Variants in PDZD2 observed in about 807,000 individuals in gnomAD.
The protein encoded by PDZD2 is PDZ domain containing 2.
PDZD2 carries 90 observed loss-of-function variants against 220.7 expected under a neutral mutation model. The observed-to-expected ratio is 0.41, with a 90% CI of 0.34 to 0.49. PDZD2 has a LOEUF of 0.49. Ranked by LOEUF, PDZD2 falls within the 20% of genes least tolerant of loss-of-function variation. The pLI is 0.28. For missense variants in PDZD2, 3,174 were observed against 3,608.5 expected, an observed-to-expected ratio of 0.88 and a Z score of 3.08; for synonymous variants, 1,375 against 1,450.5, an observed-to-expected ratio of 0.95 and a Z score of 1.18.
At chr5:31,840,995 C>A in intron 2 of PDZD2, 1 of 378,032 alleles carries the variant, frequency 2.6e-6, no homozygotes, top group Non-Finnish European at 4.8e-6. Context: ...TGGAGGATGG[C>A]GGTTCCACTC....
In PDZD2 at chr5:31,808,794, T is replaced by C. The variant is rs185436078; in HGVS notation, c.476+9070T>C. 2.7e-3 allele frequency among the ~76,000 whole-genome samples: 406 copies of C among 152,080 alleles called. 1 individual carries two copies. The highest frequency in any genetic ancestry group is 0.01 in the Middle Eastern group (3 of 294). ...GAGTTTGAGACCAGCCTGGCCAACATAGTGAAACCCCATCTCTACTAGAAA... is the reference window on the plus strand; with the variant it reads ...GAGTTTGAGACCAGCCTGGCCAACACAGTGAAACCCCATCTCTACTAGAAA... On this transcript the variant is annotated intron_variant, in intron 2 of 24. Transcript: ENST00000438447.
chr5:31,756,026 C>T (rs1165774501), intron 1 of PDZD2, among the ~76,000 whole-genome samples: 1 of 152,098 alleles, frequency 6.6e-6, no homozygotes, highest in East Asian at 1.9e-4. Flanking sequence ...GTGCTGACCA[C>T]TGATGTGTGA....
At chr5:32,048,123 T>G (rs1029408904) in intron 7 of PDZD2, among the ~76,000 whole-genome samples, 4 of 152,208 alleles carry the variant, frequency 2.6e-5, no homozygotes, top group African/African-American at 9.6e-5. Context: ...AAAGTTTATT[T>G]TAAAAGTCGT....
intron 1 of PDZD2, among the ~76,000 whole-genome samples, chr5:31,702,228 T>C (rs1367883272): frequency 6.6e-6 from 1 of 152,236 alleles, no homozygotes; most frequent in Non-Finnish European, 1.5e-5. Context: ...GCATTTTTTT[T>C]CTTTGTCTCA....
chr5:31,969,235 G>C (rs180686241), intron 2 of PDZD2, among the ~76,000 whole-genome samples: 7 of 152,188 alleles, frequency 4.6e-5, no homozygotes, highest in African/African-American at 1.7e-4. Context: ...AGCCAGGCAC[G>C]ATGGCTCATG....
At chr5:31,924,157 T>C (rs1744537194) in intron 2 of PDZD2, among the ~76,000 whole-genome samples, 1 of 152,216 alleles carries the variant, frequency 6.6e-6, no homozygotes, top group Non-Finnish European at 1.5e-5. Context: ...CTTAGTGGAA[T>C]TGCGATGGGC....
intron 2 of PDZD2, among the ~76,000 whole-genome samples, chr5:31,824,624 T>A (rs1391403998): frequency 1.3e-5 from 2 of 151,198 alleles, no homozygotes; most frequent in Admixed American, 1.3e-4. Context: ...TTCACGGCCG[T>A]GTGTGAGATG....
intron 1 of PDZD2, among the ~76,000 whole-genome samples, chr5:31,731,212 G>A (rs745799622): frequency 1.3e-5 from 2 of 152,116 alleles, no homozygotes; most frequent in African/African-American, 2.4e-5. Context: ...TCCAGGAAAC[G>A]GCTGTGGTTA....
chr5:31,881,245 G>C (rs1444915711), intron 2 of PDZD2, among the ~76,000 whole-genome samples: 2 of 151,202 alleles, frequency 1.3e-5, no homozygotes, highest in Non-Finnish European at 2.9e-5. Context: ...GATTGGATTT[G>C]ACTTGCTTTG....
intron 2 of PDZD2, among the ~76,000 whole-genome samples, chr5:31,917,803 C>T (rs566621494): frequency 7.9e-5 from 12 of 152,222 alleles, no homozygotes; most frequent in South Asian, 4.1e-4. Flanking sequence ...AGTGCAATGG[C>T]GCGATCTCGG....
At chr5:31,755,179 G>T (rs1751236038) in intron 1 of PDZD2, among the ~76,000 whole-genome samples, 1 of 149,794 alleles carries the variant, frequency 6.7e-6, no homozygotes, top group Non-Finnish European at 1.5e-5. Flanking sequence ...AGAACTCGTG[G>T]TCTGGTTCCC....
chr5:31,804,674 AC>A (rs1754608114), intron 2 of PDZD2, among the ~76,000 whole-genome samples: 1 of 131,142 alleles, frequency 7.6e-6, no homozygotes, highest in Non-Finnish European at 1.8e-5. Flanking sequence ...CCAGATCTGT[AC>A]TTTGGTCCTT....
chr5:31,942,768 G>A (rs1455640679), intron 2 of PDZD2, among the ~76,000 whole-genome samples: 4 of 152,138 alleles, frequency 2.6e-5, no homozygotes, highest in African/African-American at 7.2e-5. Context: ...ACTACTTTTC[G>A]GTGAGAGTTC....
At position 32,030,496 on chromosome 5, in the gene PDZD2, T is replaced by C. The variant is rs545098922; in HGVS notation, c.1408-6735T>C. On this transcript the variant is annotated intron_variant, in intron 6 of 24. Transcript: ENST00000438447. Reference sequence around the variant, plus strand: ...TCCTTCCCCTTTGGGAAAGACTTAATTGAGTTTCCTTTTTACCTGCTGCTT... The same window carrying C: ...TCCTTCCCCTTTGGGAAAGACTTAACTGAGTTTCCTTTTTACCTGCTGCTT... Among the ~76,000 whole-genome samples, 16 of 152,366 alleles carry C rather than the reference T, an allele frequency of 1.1e-4. No homozygotes were observed. In the South Asian group the frequency reaches 3.1e-3, roughly 30 times the overall value.
At chr5:32,051,635 G>A (rs1738559809) in intron 8 of PDZD2, among the ~76,000 whole-genome samples, 1 of 152,172 alleles carries the variant, frequency 6.6e-6, no homozygotes, top group Admixed American at 6.5e-5. Context: ...GTTCTAAGGA[G>A]CGCAGCCTGC....
chr5:31,758,587 A>G (rs918550514), intron 1 of PDZD2, among the ~76,000 whole-genome samples: 1 of 152,198 alleles, frequency 6.6e-6, no homozygotes, highest in African/African-American at 2.4e-5. Context: ...GGCCCTACAC[A>G]TGCCTGCCTG....
intron 5 of PDZD2, among the ~76,000 whole-genome samples, chr5:32,006,996 A>T (rs1752876464): frequency 7.0e-6 from 1 of 143,478 alleles, no homozygotes. Flanking sequence ...GCTCACTACA[A>T]GCTCCGCCTC....
chr5:31,808,830 T>G (rs1754901136), intron 2 of PDZD2, among the ~76,000 whole-genome samples: 1 of 151,728 alleles, frequency 6.6e-6, no homozygotes, highest in Non-Finnish European at 1.5e-5. Flanking sequence ...TACAAAAAAT[T>G]AGCTGGGCAT....
At position 32,092,347 on chromosome 5, in the gene PDZD2, C is replaced by T. The variant is rs138953904; in HGVS notation, c.7728-560C>T. ...CAGCACTTTGGGAGACCAAGGCAGG[C>T]GGATCACTTGAGGTCAGGAGTTCAA... On this transcript the variant is annotated intron_variant, in intron 20 of 24. Coordinates refer to ENST00000438447, the MANE Select transcript of PDZD2 (RefSeq NM_178140.4). Among the ~76,000 whole-genome samples, 444 of 150,120 alleles carry T rather than the reference C, an allele frequency of 3.0e-3. 3 individuals are homozygous for T. Among genetic ancestry groups the T allele is most frequent in the African/African-American group, 0.011 (431 of 40,698 alleles).
Sources: allele counts gnomAD v4.1 joint callset (sites outside exome capture counted in the v4.1 genomes callset), GRCh38; gene constraint gnomAD v4.1.1; transcripts MANE v1.5; gene names NCBI Gene and HGNC (gene_info 2026-07-23, HGNC 2026-07-21).